Variants in TRIM66 observed in about 807,000 individuals in gnomAD.
TRIM66 encodes tripartite motif containing 66.
TRIM66 carries 99 observed loss-of-function variants against 148.2 expected under a neutral mutation model. The ratio of observed to expected loss-of-function variants is 0.67; its 90% CI spans 0.57 to 0.79. The LOEUF (loss-of-function observed/expected upper bound fraction) is 0.79, where lower values mean the gene tolerates loss of function less well. Ranked by LOEUF, TRIM66 falls within the 30% of genes least tolerant of loss-of-function variation. The probability of loss-of-function intolerance (pLI) is 0.00; values close to 1 mark genes in which losing one functional copy is unlikely to be tolerated. For synonymous variants in TRIM66, 616 were observed against 635.9 expected, an observed-to-expected ratio of 0.97 and a Z score of 0.47; for missense variants, 1,666 against 1,697.9, an observed-to-expected ratio of 0.98 and a Z score of 0.33.
intron 13 of TRIM66, among the ~76,000 whole-genome samples, chr11:8,641,868 C>T (rs1452709967): frequency 1.3e-5 from 2 of 152,136 alleles, no homozygotes; most frequent in Non-Finnish European, 2.9e-5. Flanking sequence ...TTTCTTGCTG[C>T]TCTGTCCATG....
chr11:8,634,001 T>C (rs370305299), intron 15 of TRIM66, among the ~76,000 whole-genome samples: 2 of 152,192 alleles, frequency 1.3e-5, no homozygotes, highest in Non-Finnish European at 1.5e-5. Context: ...TATCATTTAC[T>C]GGAAATACAT....
chr11:8,654,869 G>GT (rs1056773242), intron 6 of TRIM66, among the ~76,000 whole-genome samples: 59 of 150,570 alleles, frequency 3.9e-4, no homozygotes, highest in East Asian at 1.2e-3. Context: ...GTTTGTTTTT[G>GT]TTTTTTTTTG....
chr11:8,666,826 C>A (rs910667708), intron 6 of TRIM66, among the ~76,000 whole-genome samples: 1 of 152,034 alleles, frequency 6.6e-6, no homozygotes, highest in African/African-American at 2.4e-5. Context: ...TACATATAGA[C>A]AGAGATGGAG....
At chr11:8,633,995 A>G (rs2035647841) in intron 15 of TRIM66, among the ~76,000 whole-genome samples, 1 of 152,036 alleles carries the variant, frequency 6.6e-6, no homozygotes, top group Non-Finnish European at 1.5e-5. Context: ...CTTCTGTATC[A>G]TTTACTGGAA....
At chr11:8,657,321 C>T (rs114036110) in intron 6 of TRIM66, among the ~76,000 whole-genome samples, 2,343 of 152,228 alleles carry the variant, frequency 0.015, 68 homozygotes, top group African/African-American at 0.054. Context: ...AGCTGGGGTC[C>T]GAGCTCTGAT....
Position 8,652,818 on chromosome 11 carries a change from T to C in TRIM66, c.341-915A>G, listed in dbSNP as rs560673389. Among the ~76,000 whole-genome samples, 4 of 152,366 alleles carry C rather than the reference T, an allele frequency of 2.6e-5. No homozygotes were observed. In the South Asian group the frequency reaches 6.2e-4, roughly 24 times the overall value. Reference sequence around the variant, plus strand: ...CAGTACCGCTACAATCTCCTCTGTCTCATCTCTTCAAAATACGAAAGAATG... The same window carrying C: ...CAGTACCGCTACAATCTCCTCTGTCCCATCTCTTCAAAATACGAAAGAATG... On this transcript the variant is annotated intron_variant, in intron 6 of 24. Coordinates refer to ENST00000646038, the MANE Select transcript of TRIM66 (RefSeq NM_001388022.1).
chr11:8,617,696 T>C lies in TRIM66; in HGVS notation c.*248A>G. On this transcript the variant is annotated 3_prime_UTR_variant, in exon 25 of 25. Transcript: ENST00000646038. ...GTGTGGTCTTGTCAAGTGGAGCCTATACATCTGATTACTCTGGTAATAATA... is the reference window on the plus strand; with the variant it reads ...GTGTGGTCTTGTCAAGTGGAGCCTACACATCTGATTACTCTGGTAATAATA... The C allele has an allele frequency of 4.0e-6, 2 of 503,020 alleles. No homozygotes were observed. The highest frequency in any genetic ancestry group is 7.0e-6 in the Non-Finnish European group (2 of 284,456). The allele number at this position is 503,020 out of a possible 1,614,324, so 31.2% of individuals were successfully genotyped here.
At chr11:8,661,798 TC>T (rs2038275764) in intron 6 of TRIM66, among the ~76,000 whole-genome samples, 1 of 151,866 alleles carries the variant, frequency 6.6e-6, no homozygotes, top group Non-Finnish European at 1.5e-5. Flanking sequence ...CCCTAACCAC[TC>T]CCCCTTAAAT....
intron 24 of TRIM66, 101 bp downstream of exon 24, chr11:8,618,634 GTTGTCACCACCATCT>G: frequency 1.0e-6 from 1 of 984,216 alleles, no homozygotes; most frequent in South Asian, 1.6e-5. Flanking sequence ...GTGAGGGTTC[GTTGTCACCACCATCT>G]TTTTGCACCA....
intron 6 of TRIM66, among the ~76,000 whole-genome samples, chr11:8,660,923 A>G (rs1030773476): frequency 2.0e-5 from 3 of 152,224 alleles, no homozygotes; most frequent in Admixed American, 6.5e-5. Flanking sequence ...ACATATAGAG[A>G]AATGACAGGA....
At chr11:8,658,804 TG>T (rs1222106336) in intron 6 of TRIM66, 3 of 984,992 alleles carry the variant, frequency 3.0e-6, no homozygotes, top group Admixed American at 6.2e-5. Context: ...AAGGAGGGTG[TG>T]GGGGGGCCTT....
At chr11:8,669,622 G>T (rs1363612994) in intron 6 of TRIM66, among the ~76,000 whole-genome samples, 3 of 148,796 alleles carry the variant, frequency 2.0e-5, no homozygotes, top group Admixed American at 6.7e-5. Flanking sequence ...CAGCCTGGGC[G>T]ACAGAGTGAG....
intron 4 of TRIM66, among the ~76,000 whole-genome samples, chr11:8,673,156 C>A (rs1386011946): frequency 1.4e-5 from 2 of 147,836 alleles, no homozygotes; most frequent in African/African-American, 5.0e-5. Context: ...TCTCGATCTC[C>A]TGACCTCATG....
chr11:8,620,146 CAG>C, intron 21 of TRIM66, 22 bp from the exon 22 acceptor site: 1 of 1,550,090 alleles, frequency 6.5e-7, no homozygotes, highest in Non-Finnish European at 8.7e-7. Context: ...GAATTGGCAA[CAG>C]AGTCACTTTG....
In TRIM66 at chr11:8,625,180, C is replaced by T; in HGVS notation, c.2359G>A (p.Glu787Lys). 2 of 1,534,100 alleles carry T rather than the reference C, an allele frequency of 1.3e-6. No homozygotes were observed. ...IMGFSNTLEM[E>K]LSSTRLERPL... ...CTCTCCAACCTGGTAGATGACAACT[C>T]CATCTCCAGAGTGTTGGAAAAGCCC... The change falls in exon 16 of 25, where the codon GAG becomes AAG. Residue 787 changes from glutamate (E) to lysine (K), a missense_variant. Coordinates refer to ENST00000646038, the MANE Select transcript of TRIM66 (RefSeq NM_001388022.1).
Position 8,646,507 on chromosome 11 carries a change from G to T in TRIM66, c.897C>A (p.Ala299=). ...HRKVENQIKM[A]KMVLMNELNK... ...TCAGCTCATTCATCAGAACCATCTT[G>T]GCCATTTTGATCTGGTTTTCCACCT... Residue 299 remains alanine (A), a synonymous_variant, in exon 11 of 25, where the codon GCC becomes GCA. Transcript: ENST00000646038. 1 of 1,552,048 alleles carries T rather than the reference G, an allele frequency of 6.4e-7. No individual in the cohort carries two copies. The highest frequency in any genetic ancestry group is 8.7e-7 in the Non-Finnish European group (1 of 1,147,074).
intron 10 of TRIM66, 51 bp downstream of exon 10, chr11:8,647,919 T>C (rs2037010028): frequency 7.1e-7 from 1 of 1,399,918 alleles, no homozygotes. Context: ...GAACCCTGGG[T>C]GTGCGGGAAC....
At chr11:8,633,895 T>C (rs78534649) in intron 15 of TRIM66, among the ~76,000 whole-genome samples, 10,526 of 152,256 alleles carry the variant, frequency 0.069, 394 homozygotes, top group African/African-American at 0.075. Context: ...CAAAATGCTT[T>C]GATAATGGTA....
chr11:8,647,847 T>C, intron 10 of TRIM66, 123 bp downstream of exon 10: 1 of 761,152 alleles, frequency 1.3e-6, no homozygotes, highest in Non-Finnish European at 2.2e-6. Flanking sequence ...CTAGGACATA[T>C]GCCCACATCT....
Sources: allele counts gnomAD v4.1 joint callset (sites outside exome capture counted in the v4.1 genomes callset), GRCh38; gene constraint gnomAD v4.1.1; transcripts MANE v1.5; gene names NCBI Gene and HGNC (gene_info 2026-07-23, HGNC 2026-07-21).